The following PAX6 variants were observed in gnomAD, a reference collection of about 807,000 sequenced individuals.
PAX6 encodes the protein paired box protein Pax-6.
Under a neutral mutation model 60.7 loss-of-function variants are expected in PAX6, and 7 were observed. The observed-to-expected ratio is 0.12, with a 90% CI of 0.07 to 0.22. PAX6 has a LOEUF of 0.22. Ranked by LOEUF, PAX6 falls within the 10% of genes least tolerant of loss-of-function variation. The pLI is 1.00. For synonymous variants in PAX6, 208 were observed against 201.2 expected, an observed-to-expected ratio of 1.03 and a Z score of -0.29; for missense variants, 355 against 555.2, an observed-to-expected ratio of 0.64 and a Z score of 3.62.
chr11:31,794,953 G>A (rs1180592591), intron 8 of PAX6, among the ~76,000 whole-genome samples, 165 bp from the exon 9 acceptor site: 1 of 152,194 alleles, frequency 6.6e-6, no homozygotes, highest in Non-Finnish European at 1.5e-5. Flanking sequence ...CATTTGCGAT[G>A]TTAGTTACCT....
intron 7 of PAX6, 198 bp downstream of exon 7, chr11:31,801,363 C>A: frequency 6.8e-7 from 1 of 1,480,200 alleles, no homozygotes; most frequent in South Asian, 1.4e-5. Flanking sequence ...AATGACTCCC[C>A]ACACTTGACT....
chr11:31,793,576 TA>T, intron 11 of PAX6, 23 bp from the exon 12 acceptor site: 1 of 1,613,198 alleles, frequency 6.2e-7, no homozygotes, highest in Non-Finnish European at 8.5e-7. Context: ...GAAATGACAG[TA>T]GTCAGAGTGA....
intron 10 of PAX6, 71 bp from the exon 11 acceptor site, chr11:31,793,873 C>G: frequency 6.5e-7 from 1 of 1,548,966 alleles, no homozygotes; most frequent in Non-Finnish European, 8.9e-7. Flanking sequence ...ACCTCCACTG[C>G]TGCCCTCCCC....
At chr11:31,801,364 A>G in intron 7 of PAX6, 197 bp downstream of exon 7, 1 of 1,481,172 alleles carries the variant, frequency 6.8e-7, no homozygotes, top group Non-Finnish European at 8.9e-7. Flanking sequence ...ATGACTCCCC[A>G]CACTTGACTC....
At chr11:31,817,375 T>C (rs1005707495) in intron 1 of PAX6, among the ~76,000 whole-genome samples, 1 of 152,244 alleles carries the variant, frequency 6.6e-6, no homozygotes, top group African/African-American at 2.4e-5. Context: ...GCAGGGTGTC[T>C]TTAAGCGCTC....
intron 4 of PAX6, chr11:31,804,230 T>C (rs1033234710): frequency 3.3e-5 from 5 of 152,366 alleles, no homozygotes; most frequent in Middle Eastern, 3.4e-3. Context: ...GGAAGGCTAA[T>C]TGAAAAGATC....
In PAX6 at chr11:31,790,036, G is replaced by C. The variant is rs764752631; in HGVS notation, c.1226-17C>G. 1 of 1,274,004 alleles carries C rather than the reference G, an allele frequency of 7.8e-7. No homozygotes were observed. The highest frequency in any genetic ancestry group is 1.0e-6 in the Non-Finnish European group (1 of 963,576). The allele number at this position is 1,274,004 out of a possible 1,614,324, so 78.9% of individuals were successfully genotyped here. A position where few individuals can be genotyped will look rare whatever the true frequency, so the allele number is the denominator to read the frequency against. On this transcript the variant is annotated splice_polypyrimidine_tract_variant and intron_variant, in intron 13 of 13. Coordinates refer to ENST00000640368, the MANE Select transcript of PAX6 (RefSeq NM_001368894.2). ...AAATGAGTCCTAGAAGTGGATGAAAGAAATAGCCATGTAGATATTCCCTTT... is the reference window on the plus strand; with the variant it reads ...AAATGAGTCCTAGAAGTGGATGAAACAAATAGCCATGTAGATATTCCCTTT...
intron 4 of PAX6, chr11:31,806,139 G>A: frequency 2.1e-6 from 1 of 484,476 alleles, no homozygotes; most frequent in African/African-American, 2.1e-5. Flanking sequence ...GGGGGATGGG[G>A]TTTCTCTACC....
Position 31,789,753 on chromosome 11 carries a change from C to T in PAX6, c.*181G>A. 1 of 713,592 alleles carries T rather than the reference C, an allele frequency of 1.4e-6. No homozygotes were observed. Among genetic ancestry groups the T allele is most frequent in the Non-Finnish European group, 2.6e-6 (1 of 390,274 alleles). The allele number at this position is 713,592 out of a possible 1,614,324, so 44.2% of individuals were successfully genotyped here. A position where few individuals can be genotyped will look rare whatever the true frequency, so the allele number is the denominator to read the frequency against. On this transcript the variant is annotated 3_prime_UTR_variant, in exon 14 of 14. Transcript: ENST00000640368. The stretch of plus-strand genomic sequence containing the variant: ...CAACTGATATCGTGCCTTCTGTATA[C>T]AAAGGTCCTTGTTTCAAGTCCATTC...
intron 8 of PAX6, among the ~76,000 whole-genome samples, chr11:31,799,841 G>C (rs1952975013): frequency 6.6e-6 from 1 of 152,290 alleles, no homozygotes; most frequent in African/African-American, 2.4e-5. Flanking sequence ...TCCTTGTCAC[G>C]AGGACAACAA....
At position 31,802,802 on chromosome 11, in the gene PAX6, A is replaced by G. The variant is rs1486857158; in HGVS notation, c.43T>C (p.Phe15Leu). 1 of 1,613,952 alleles carries G rather than the reference A, an allele frequency of 6.2e-7. No homozygotes were observed. ...TCCGGCAGTGGCCGCCCGTTGACAAAGACACCACCGAGCTGATTCACTCCG... is the reference window on the plus strand; with the variant it reads ...TCCGGCAGTGGCCGCCCGTTGACAAGGACACCACCGAGCTGATTCACTCCG... ...HSGVNQLGGV[F>L]VNGRPLPDST... Residue 15 changes from phenylalanine (F) to leucine (L), a missense_variant, in exon 5 of 14, where the codon TTT becomes CTT. Coordinates refer to ENST00000640368, the MANE Select transcript of PAX6 (RefSeq NM_001368894.2).
intron 13 of PAX6, 94 bp from the exon 14 acceptor site, chr11:31,790,113 A>AAAAAAAAAAAAT: frequency 1.3e-6 from 1 of 793,464 alleles, no homozygotes; most frequent in Non-Finnish European, 2.0e-6. Flanking sequence ...AAAAAAAAAA[A>AAAAAAAAAAAAT]AAAAAAACTA....
Position 31,810,933 on chromosome 11 carries a change from T to C in PAX6, c.-234A>G. 1 of 399,262 alleles carries C rather than the reference T, an allele frequency of 2.5e-6. No homozygotes were observed. Among genetic ancestry groups the C allele is most frequent in the Non-Finnish European group, 4.4e-6 (1 of 226,114 alleles). 24.7% of individuals were successfully genotyped at this position (399,262 alleles called of 1,614,324 possible). On this transcript the variant is annotated 5_prime_UTR_variant, in exon 2 of 14. Transcript: ENST00000640368. ...GCTTGAAGACCACAATGGTTTGAAA[T>C]GACGGTGTTTTAAAGGAGTTGCTGG...
chr11:31,813,533 G>C (rs1957232363), upstream of PAX6, among the ~76,000 whole-genome samples: 1 of 152,034 alleles, frequency 6.6e-6, no homozygotes, highest in Non-Finnish European at 1.5e-5. Context: ...TCCCCCCAGG[G>C]CACTGGCTCT....
chr11:31,799,795 A>G (rs370549783), intron 8 of PAX6, among the ~76,000 whole-genome samples: 1 of 152,238 alleles, frequency 6.6e-6, no homozygotes, highest in East Asian at 2.0e-4. Context: ...TGCTCCTGGG[A>G]GTGAGACGCC....
At chr11:31,801,366 A>G in intron 7 of PAX6, 195 bp downstream of exon 7, 5 of 1,483,500 alleles carry the variant, frequency 3.4e-6, no homozygotes, top group South Asian at 2.7e-5. Context: ...GACTCCCCAC[A>G]CTTGACTCCC....
At chr11:31,802,115 A>G (rs778551933) in intron 5 of PAX6, 152 of 584,352 alleles carry the variant, frequency 2.6e-4, no homozygotes, top group Non-Finnish European at 3.7e-4. Flanking sequence ...CGAAGTAGAT[A>G]AATTTATTTT....
At chr11:31,806,493 G>C in intron 3 of PAX6, 31 bp from the exon 4 acceptor site, 3 of 1,539,750 alleles carry the variant, frequency 1.9e-6, no homozygotes, top group Non-Finnish European at 2.7e-6. Context: ...GTTAATCCTC[G>C]GGCAGCTGCA....
intron 8 of PAX6, among the ~76,000 whole-genome samples, chr11:31,798,246 G>T (rs569673949): frequency 1.6e-3 from 236 of 152,164 alleles, no homozygotes; most frequent in Non-Finnish European, 2.5e-3. Context: ...AAGTGTCTCC[G>T]TGATCCCTAA....
Sources: allele counts gnomAD v4.1 joint callset (sites outside exome capture counted in the v4.1 genomes callset), GRCh38; gene constraint gnomAD v4.1.1; transcripts MANE v1.5; gene names NCBI Gene and HGNC (gene_info 2026-07-23, HGNC 2026-07-21).